Variants in MAP7 observed in about 807,000 individuals in gnomAD.
The protein encoded by MAP7 is ensconsin.
A neutral mutation model predicts 94.8 loss-of-function variants in MAP7; 52 were observed. The observed-to-expected ratio is 0.55, with a 90% CI of 0.44 to 0.69. The LOEUF is 0.69. MAP7 is among the 30% of genes least tolerant of loss of function. The pLI is 0.00. For missense variants in MAP7, 940 were observed against 964.6 expected (o/e 0.97, Z 0.34); for synonymous variants, 350 against 357.0 (o/e 0.98, Z 0.22).
intron 1 of MAP7, among the ~76,000 whole-genome samples, chr6:136,423,481 G>A (rs868818352): frequency 1.3e-5 from 2 of 152,128 alleles, no homozygotes; most frequent in African/African-American, 2.4e-5. Context: ...ACTTGGTGAC[G>A]GGGTCCTGGG....
At chr6:136,497,797 C>CAAAA (rs1199112585) in intron 1 of MAP7, among the ~76,000 whole-genome samples, 1,152 of 40,044 alleles carry the variant, frequency 0.029, no homozygotes, top group Non-Finnish European at 0.036. Context: ...GACTCTGTCA[C>CAAAA]AAAAAAAAAA....
intron 1 of MAP7, among the ~76,000 whole-genome samples, chr6:136,538,328 C>T (rs1382939137): frequency 2.6e-5 from 4 of 152,148 alleles, no homozygotes; most frequent in Non-Finnish European, 2.9e-5. Context: ...ATGAACATCT[C>T]GTGGAAGGCA....
At chr6:136,420,565 G>A (rs757479588) in intron 2 of MAP7, 2 of 188,770 alleles carry the variant, frequency 1.1e-5, no homozygotes, top group South Asian at 1.4e-4. Context: ...ATGCTTCTTC[G>A]GCATAGAAGA....
intron 5 of MAP7, among the ~76,000 whole-genome samples, chr6:136,386,194 C>G (rs1779155462): frequency 1.3e-5 from 2 of 152,162 alleles, no homozygotes; most frequent in Non-Finnish European, 2.9e-5. Context: ...GAGTACCCAT[C>G]ATACATCAGG....
intron 2 of MAP7, among the ~76,000 whole-genome samples, chr6:136,420,952 G>T (rs1383981786): frequency 6.6e-6 from 1 of 152,188 alleles, no homozygotes; most frequent in Non-Finnish European, 1.5e-5. Flanking sequence ...GCAGCATGAA[G>T]TAGGTTTCCA....
intron 11 of MAP7, among the ~76,000 whole-genome samples, chr6:136,361,834 G>C (rs1446182702): frequency 6.6e-6 from 1 of 152,106 alleles, no homozygotes; most frequent in East Asian, 1.9e-4. Flanking sequence ...ATCTGGAAAG[G>C]AGAAAACATG....
chr6:136,482,022 A>G (rs539199691), intron 1 of MAP7, among the ~76,000 whole-genome samples: 2 of 152,334 alleles, frequency 1.3e-5, no homozygotes, highest in South Asian at 4.1e-4. Context: ...ATGTATGTGA[A>G]AATTTTTAGA....
At chr6:136,431,629 C>T (rs912425289) in intron 1 of MAP7, among the ~76,000 whole-genome samples, 3 of 151,966 alleles carry the variant, frequency 2.0e-5, no homozygotes, top group African/African-American at 4.8e-5. Context: ...GTGATTCTCC[C>T]GCCTTAGCCT....
At chr6:136,436,979 T>C (rs1796536622) in intron 1 of MAP7, among the ~76,000 whole-genome samples, 2 of 152,156 alleles carry the variant, frequency 1.3e-5, no homozygotes, top group Non-Finnish European at 1.5e-5. Context: ...CACTAGCAGT[T>C]TGAGTTCTAA....
At chr6:136,388,671 C>G in intron 4 of MAP7, 161 bp from the exon 5 acceptor site, 1 of 584,116 alleles carries the variant, frequency 1.7e-6, no homozygotes, top group Non-Finnish European at 3.0e-6. Context: ...TAGTGTCAAT[C>G]TGGGAGGGTC....
chr6:136,526,166 C>A, intron 1 of MAP7: 1 of 1,293,850 alleles, frequency 7.7e-7, no homozygotes, highest in Non-Finnish European at 9.8e-7. Context: ...TGCAGTTCCC[C>A]TCACCTAGCA....
At chr6:136,529,005 T>C (rs1475717900) in intron 1 of MAP7, among the ~76,000 whole-genome samples, 1 of 152,206 alleles carries the variant, frequency 6.6e-6, no homozygotes, top group African/African-American at 2.4e-5. Context: ...GAGGTGTGGG[T>C]ACCATCTTCT....
chr6:136,465,332 C>G lies in MAP7; in HGVS notation c.68-43533G>C, dbSNP rs1056903441. Among the ~76,000 whole-genome samples the G allele has an allele frequency of 3.9e-5, 6 of 152,250 alleles. 1 individual carries two copies. In the South Asian group the frequency reaches 1.0e-3, roughly 26 times the overall value. On this transcript the variant is annotated intron_variant, in intron 1 of 17. Transcript: ENST00000354570. The stretch of plus-strand genomic sequence containing the variant: ...TTAAATTTCTTAATTGGACATTTAT[C>G]CAGTTTTCTTACTGAGTAACCTCTA...
chr6:136,456,522 A>G (rs570600629), intron 1 of MAP7, among the ~76,000 whole-genome samples: 28 of 151,856 alleles, frequency 1.8e-4, no homozygotes, highest in African/African-American at 6.5e-4. Context: ...TAATAACAAA[A>G]TTAGGTAGGT....
chr6:136,492,711 T>A (rs1378741627), intron 1 of MAP7, among the ~76,000 whole-genome samples: 1 of 152,110 alleles, frequency 6.6e-6, no homozygotes, highest in Non-Finnish European at 1.5e-5. Context: ...AAATTATGCA[T>A]CTTAACTTAG....
At chr6:136,542,003 G>A (rs1320944707) in intron 1 of MAP7, among the ~76,000 whole-genome samples, 4 of 152,288 alleles carry the variant, frequency 2.6e-5, no homozygotes, top group East Asian at 1.9e-4. Context: ...AGGTTACCGT[G>A]AGCCAAGTTC....
chr6:136,372,554 A>C lies in MAP7; in HGVS notation c.823T>G (p.Phe275Val), dbSNP rs778695233. 1 of 1,614,150 alleles carries C rather than the reference A, an allele frequency of 6.2e-7. No homozygotes were observed. Among genetic ancestry groups the C allele is most frequent in the Non-Finnish European group, 8.5e-7 (1 of 1,180,030 alleles). ...GAAGAGCCCTCAGGTGGTGTTACAA[A>C]GAGTTTTGGTCGATCCATCGAATTT... Reference protein sequence around the residue: ...SRNSMDRPKLFVTPPEGSSRR... With the variant: ...SRNSMDRPKLVVTPPEGSSRR... Residue 275 changes from phenylalanine to valine, a missense_variant, in exon 8 of 18, where the codon TTT becomes GTT. Transcript: ENST00000354570.
chr6:136,537,166 T>G (rs996578243), intron 1 of MAP7, among the ~76,000 whole-genome samples: 3 of 152,046 alleles, frequency 2.0e-5, no homozygotes, highest in Admixed American at 2.0e-4. Context: ...TTTTAAACTT[T>G]GATGCTGTTC....
chr6:136,480,319 C>A (rs1404404436), intron 1 of MAP7, among the ~76,000 whole-genome samples: 1 of 152,168 alleles, frequency 6.6e-6, no homozygotes, highest in African/African-American at 2.4e-5. Flanking sequence ...AGATCTCTAT[C>A]TCTTGCCATA....
Sources: allele counts gnomAD v4.1 joint callset (sites outside exome capture counted in the v4.1 genomes callset), GRCh38; gene constraint gnomAD v4.1.1; transcripts MANE v1.5; gene names NCBI Gene and HGNC (gene_info 2026-07-23, HGNC 2026-07-21).